Variants in ERICH3 observed in about 807,000 individuals in gnomAD.
ERICH3 encodes the protein glutamate rich 3.
A neutral mutation model predicts 131.1 loss-of-function variants in ERICH3; 126 were observed. The ratio of observed to expected loss-of-function variants is 0.96; its 90% CI spans 0.83 to 1.11. The LOEUF is 1.11. Ranked by LOEUF, ERICH3 falls within the 50% of genes most tolerant of loss-of-function variation. The probability of loss-of-function intolerance (pLI) is 0.00; values close to 1 mark genes in which losing one functional copy is unlikely to be tolerated. For synonymous variants in ERICH3, 695 were observed against 644.6 expected (o/e 1.08, Z -1.18); for missense variants, 2,050 against 1,810.7 (o/e 1.13, Z -2.40).
At chr1:74,599,603 A>G (rs956510753) in intron 11 of ERICH3, 92 bp downstream of exon 11, 4 of 1,098,066 alleles carry the variant, frequency 3.6e-6, no homozygotes, top group Admixed American at 5.0e-5. Context: ...AAGAGAAAAA[A>G]AAGAGGATTA....
At chr1:74,620,215 A>G (rs1649154495) in intron 8 of ERICH3, among the ~76,000 whole-genome samples, 1 of 152,244 alleles carries the variant, frequency 6.6e-6, no homozygotes, top group Non-Finnish European at 1.5e-5. Context: ...TCCTATGCTG[A>G]CAAACGTGGA....
Position 74,649,259 on chromosome 1 carries a change from T to C in ERICH3, c.80A>G (p.Asn27Ser). The change falls in exon 2 of 15, where the codon AAT (asparagine) becomes AGT (serine). Residue 27 changes from asparagine to serine, a missense_variant. Coordinates refer to ENST00000326665, the MANE Select transcript of ERICH3 (RefSeq NM_001002912.5). The part of the protein sequence containing the change: ...MDKHLAGYFN[N>S]TRIRRHLLRS... ...TAAGAGATGACGCCTTATCCTTGTA[T>C]TGTTAAAATACCCAGCCAGGTGTTT... 1 of 1,612,738 alleles carries C rather than the reference T, an allele frequency of 6.2e-7. No homozygotes were observed. Among genetic ancestry groups the C allele is most frequent in the African/African-American group, 1.3e-5 (1 of 74,948 alleles).
chr1:74,646,768 A>G lies in ERICH3; in HGVS notation c.142T>C (p.Ser48Pro). 1 of 1,491,376 alleles carries G rather than the reference A, an allele frequency of 6.7e-7. No homozygotes were observed. The highest frequency in any genetic ancestry group is 9.1e-7 in the Non-Finnish European group (1 of 1,096,866). 92.4% of individuals were successfully genotyped at this position (1,491,376 alleles called of 1,614,324 possible). The change falls in exon 3 of 15, where the codon TCT becomes CCT. Residue 48 changes from serine (S) to proline (P), a missense_variant. Ser to Pro is a moderately conservative substitution (Grantham distance 74, BLOSUM62 -1). Transcript: ENST00000326665. ...GLITRSGRILSEKEYKLNMMK... is the reference protein window; with the variant it reads ...GLITRSGRILPEKEYKLNMMK... ...ATATTTAGTTTATATTCTTTTTCAG[A>G]AAGTATTCTTCCACTTCTTGTGATC...
intron 14 of ERICH3, among the ~76,000 whole-genome samples, chr1:74,570,812 G>C (rs930554727): frequency 6.6e-6 from 1 of 152,034 alleles, no homozygotes; most frequent in Admixed American, 6.5e-5. Context: ...TCTCTTTGGG[G>C]GTCCTATCTG....
rs747975677 is a variant in ERICH3, at chr1:74,620,816, G to A, written c.918C>T (p.Asp306=). Residue 306 remains aspartate (D), a synonymous_variant, in exon 8 of 15, where the codon GAC becomes GAT. Coordinates refer to ENST00000326665, the MANE Select transcript of ERICH3 (RefSeq NM_001002912.5). ...KNVHLSSDNP[D]FRDEIKVYQQ... The stretch of plus-strand genomic sequence containing the variant: ...GATAAACTTTAATTTCATCCCGGAA[G>A]TCAGGATTATCAGAAGATAGGTGCA... The A allele has an allele frequency of 6.2e-7, 1 of 1,613,480 alleles. No homozygotes were observed. The highest frequency in any genetic ancestry group is 1.1e-5 in the South Asian group (1 of 91,038).
chr1:74,599,920 C>T lies in ERICH3; in HGVS notation c.1501G>A (p.Asp501Asn). The part of the protein sequence containing the change: ...ENTLKYEYEE[D>N]FEVDEEKQGE... ...TGTTTCTCCTCATCTACTTCAAAGT[C>T]TTCTTCATACTCTGAAATAGGAAAA... Residue 501 changes from aspartate to asparagine, a missense_variant, in exon 11 of 15, where the codon GAC (aspartate) becomes AAC (asparagine). Physicochemically the swap from Asp to Asn is conservative, Grantham distance 23. Coordinates refer to ENST00000326665, the MANE Select transcript of ERICH3 (RefSeq NM_001002912.5). The T allele has an allele frequency of 6.2e-7, 1 of 1,604,176 alleles. No individual in the cohort carries two copies. The highest frequency in any genetic ancestry group is 2.2e-5 in the East Asian group (1 of 44,802).
chr1:74,599,076 G>A (rs571759797), intron 11 of ERICH3, among the ~76,000 whole-genome samples: 1 of 151,842 alleles, frequency 6.6e-6, no homozygotes, highest in Non-Finnish European at 1.5e-5. Context: ...TTACATATTT[G>A]TAAAAAATTA....
chr1:74,640,996 T>G (rs928734358), intron 5 of ERICH3, among the ~76,000 whole-genome samples: 1 of 152,220 alleles, frequency 6.6e-6, no homozygotes, highest in East Asian at 1.9e-4. Context: ...TGAGGTCATA[T>G]GGTTTAGGGT....
At chr1:74,673,384 C>T in intron 1 of ERICH3, 113 bp downstream of exon 1, 1 of 1,312,292 alleles carries the variant, frequency 7.6e-7, no homozygotes, top group Non-Finnish European at 1.1e-6. Context: ...TCTCCCCAGC[C>T]CTCCCCCTCG....
intron 9 of ERICH3, among the ~76,000 whole-genome samples, chr1:74,607,485 T>C (rs1156702361): frequency 4.6e-5 from 7 of 152,024 alleles, no homozygotes; most frequent in African/African-American, 1.2e-4. Flanking sequence ...TAAAGAAATA[T>C]ATACAGTCAA....
At chr1:74,669,074 CT>C (rs1335346967) in intron 1 of ERICH3, among the ~76,000 whole-genome samples, 1 of 152,092 alleles carries the variant, frequency 6.6e-6, no homozygotes, top group East Asian at 1.9e-4. Flanking sequence ...GATACACATA[CT>C]CTGTAAAATT....
intron 7 of ERICH3, chr1:74,626,198 G>A (rs1649410280): frequency 6.6e-6 from 1 of 152,136 alleles, no homozygotes; most frequent in South Asian, 2.1e-4. Context: ...CTGATCTAGA[G>A]AACTTAGCAA....
chr1:74,618,756 C>T (rs1233307060), intron 8 of ERICH3, among the ~76,000 whole-genome samples: 1 of 152,110 alleles, frequency 6.6e-6, no homozygotes, highest in Non-Finnish European at 1.5e-5. Flanking sequence ...GCACTTGCCA[C>T]CTTTCTAAAT....
chr1:74,587,324 C>CAAAA (rs11330631), intron 12 of ERICH3, among the ~76,000 whole-genome samples: 4 of 56,258 alleles, frequency 7.1e-5, no homozygotes, highest in Admixed American at 2.0e-4. Context: ...GACTCCATCT[C>CAAAA]AAAAAAAAAA....
At chr1:74,593,462 T>C in intron 11 of ERICH3, among the ~76,000 whole-genome samples, 1 of 152,176 alleles carries the variant, frequency 6.6e-6, no homozygotes, top group Non-Finnish European at 1.5e-5. Flanking sequence ...AAAATGGGGA[T>C]AATTCTACTT....
chr1:74,631,968 A>G, intron 6 of ERICH3, 40 bp from the exon 7 acceptor site: 2 of 1,557,440 alleles, frequency 1.3e-6, no homozygotes, highest in South Asian at 1.2e-5. Context: ...AGTGAAACAG[A>G]ATCAGTGACT....
intron 13 of ERICH3, among the ~76,000 whole-genome samples, chr1:74,574,773 T>C (rs1647020953): frequency 6.6e-6 from 1 of 152,182 alleles, no homozygotes; most frequent in African/African-American, 2.4e-5. Flanking sequence ...TAAAGTTATA[T>C]ATATGTTGCA....
At chr1:74,635,634 T>C (rs1646381747) in intron 6 of ERICH3, among the ~76,000 whole-genome samples, 3 of 152,082 alleles carry the variant, frequency 2.0e-5, no homozygotes, top group Admixed American at 6.6e-5. Flanking sequence ...TTTCCCTAAT[T>C]AGTGAATGTA....
intron 9 of ERICH3, among the ~76,000 whole-genome samples, chr1:74,610,742 T>A (rs903066591): frequency 6.6e-6 from 1 of 151,902 alleles, no homozygotes; most frequent in Non-Finnish European, 1.5e-5. Flanking sequence ...TCTCCAACTA[T>A]TTTTTAAACC....
Sources: allele counts gnomAD v4.1 joint callset (sites outside exome capture counted in the v4.1 genomes callset), GRCh38; gene constraint gnomAD v4.1.1; transcripts MANE v1.5; gene names NCBI Gene and HGNC (gene_info 2026-07-23, HGNC 2026-07-21).